Variants in GPRC5C observed in about 807,000 individuals in gnomAD.
GPRC5C encodes the protein G protein-coupled receptor class C group 5 member C, also known as G protein-coupled receptor family C group 5 member C.
In GPRC5C, 22 loss-of-function variants were observed where a neutral mutation model predicts 31.4. The ratio of observed to expected loss-of-function variants is 0.70; its 90% CI spans 0.50 to 1.00. The LOEUF is 1.00. GPRC5C is among the 50% of genes least tolerant of loss of function. GPRC5C has a pLI of 0.00. For synonymous variants in GPRC5C, 249 were observed against 257.5 expected, an observed-to-expected ratio of 0.97 and a Z score of 0.32; for missense variants, 557 against 597.2, an observed-to-expected ratio of 0.93 and a Z score of 0.70.
chr17:74,441,740 C>T (rs967233503), intron 2 of GPRC5C, among the ~76,000 whole-genome samples: 2 of 152,010 alleles, frequency 1.3e-5, no homozygotes, highest in African/African-American at 4.8e-5. Flanking sequence ...AGGAGGATTG[C>T]CTGAGCCCAG....
Position 74,433,758 on chromosome 17 carries a change from G to A in GPRC5C, c.-33+1617G>A, listed in dbSNP as rs367763057. 38 of 1,611,704 alleles carry A rather than the reference G, an allele frequency of 2.4e-5. No homozygotes were observed. Among genetic ancestry groups the A allele is most frequent in the Non-Finnish European group, 3.1e-5 (36 of 1,177,872 alleles). On this transcript the variant is annotated intron_variant, in intron 1 of 3. Transcript: ENST00000392627. Reference sequence around the variant, plus strand: ...CCTTGAAGACAGCCATTGGCCATGGGTCAGTGTTGAGTTTGGTTGGCCCTG... The same window carrying A: ...CCTTGAAGACAGCCATTGGCCATGGATCAGTGTTGAGTTTGGTTGGCCCTG...
chr17:74,432,692 G>C (rs541362236), intron 1 of GPRC5C, among the ~76,000 whole-genome samples: 5 of 152,156 alleles, frequency 3.3e-5, no homozygotes, highest in South Asian at 4.2e-4. Context: ...GGGGACTGGG[G>C]GGGTGGGGGA....
At chr17:74,439,661 G>A in intron 1 of GPRC5C, 84 bp from the exon 2 acceptor site, 3 of 1,306,912 alleles carry the variant, frequency 2.3e-6, no homozygotes, top group Non-Finnish European at 3.2e-6. Flanking sequence ...TATCTGCCTG[G>A]GTTTAGGTTG....
chr17:74,442,260 C>G (rs2055553227), intron 2 of GPRC5C, among the ~76,000 whole-genome samples: 2 of 152,226 alleles, frequency 1.3e-5, no homozygotes, highest in Admixed American at 1.3e-4. Flanking sequence ...GCCTCGGCAT[C>G]CCAAAGTGCT....
In GPRC5C at chr17:74,440,328, C is replaced by T. The variant is rs1035933953; in HGVS notation, c.552C>T (p.Gly184=). The change falls in exon 2 of 4, where the codon GGC becomes GGT. Residue 184 remains glycine (G), a synonymous_variant. Coordinates refer to ENST00000392627, the MANE Select transcript of GPRC5C (RefSeq NM_022036.4). The surrounding 1 kb of genome is among the most constrained non-coding windows in gnomAD (Gnocchi z 4.4). ...WLIITLVRGS[G]EGGPQGNSSA... ...TCATCACCCTGGTTCGGGGCAGTGG[C>T]GAGGGCGGCCCTCAGGGCAACAGCA... 19 of 1,614,076 alleles carry T rather than the reference C, an allele frequency of 1.2e-5. No individual in the cohort carries two copies. The East Asian group carries it at 1.8e-4, about 15-fold the overall frequency.
chr17:74,434,842 G>C lies in GPRC5C; in HGVS notation c.-33+2701G>C, dbSNP rs558776497. Among the ~76,000 whole-genome samples, 5 of 152,044 alleles carry C rather than the reference G, an allele frequency of 3.3e-5. No individual in the cohort carries two copies. In the South Asian group the frequency reaches 1.0e-3, roughly 32 times the overall value. On this transcript the variant is annotated intron_variant, in intron 1 of 3. Transcript: ENST00000392627. ...GGAGGCTGAGGCAGGAGAATTGCTT[G>C]AACCTGGGAGTTGGAGGTTGCAGTG...
intron 1 of GPRC5C, among the ~76,000 whole-genome samples, chr17:74,438,450 G>A (rs904782407): frequency 1.3e-5 from 2 of 151,632 alleles, no homozygotes; most frequent in Admixed American, 6.6e-5. Flanking sequence ...TAGTAGAGAC[G>A]GGGTTTCACC....
intron 1 of GPRC5C, among the ~76,000 whole-genome samples, chr17:74,433,479 G>A (rs8071255): frequency 0.1 from 15,630 of 152,146 alleles, 2,012 homozygotes; most frequent in African/African-American, 0.3. Flanking sequence ...CACTGAGGCC[G>A]CTCCTTCCAG....
At chr17:74,445,271 A>G in intron 3 of GPRC5C, 1 of 152,562 alleles carries the variant, frequency 6.6e-6, no homozygotes, top group Non-Finnish European at 1.5e-5. Context: ...AAATAAGAAA[A>G]AAAAAAAAAA....
downstream of GPRC5C, chr17:74,449,573 C>T (rs1477277371): frequency 1.4e-5 from 4 of 285,588 alleles, no homozygotes; most frequent in African/African-American, 4.5e-5. Context: ...CCTGCCCAGC[C>T]CATCTTCCTG....
chr17:74,445,675 G>A (rs2055615759), intron 3 of GPRC5C: 1 of 152,204 alleles, frequency 6.6e-6, no homozygotes, highest in African/African-American at 2.4e-5. Flanking sequence ...GCTAGTTTGG[G>A]GTCTGGGAGC....
intron 1 of GPRC5C, among the ~76,000 whole-genome samples, chr17:74,438,413 T>C (rs2055475286): frequency 6.6e-6 from 1 of 151,426 alleles, no homozygotes; most frequent in African/African-American, 2.4e-5. Context: ...GGCGTGCACC[T>C]CCACGCCCGG....
chr17:74,450,947 T>G (rs1005978670), downstream of GPRC5C: 2 of 152,284 alleles, frequency 1.3e-5, no homozygotes, highest in East Asian at 3.8e-4. Flanking sequence ...AGCTCTCTGG[T>G]GCTACCCCCG....
At chr17:74,449,238 C>T (rs1257123430), downstream of GPRC5C, 6 of 565,884 alleles carry the variant, frequency 1.1e-5, no homozygotes, top group Admixed American at 8.3e-5. Context: ...TTGCATTAGC[C>T]TCCTGGGGAC....
At chr17:74,448,786 C>A, downstream of GPRC5C, 1 of 866,392 alleles carries the variant, frequency 1.2e-6, no homozygotes, top group Non-Finnish European at 1.7e-6. Context: ...TGGGGTGAGA[C>A]AGGGCCTCAG....
chr17:74,444,483 TACTC>T (rs1230657438), intron 3 of GPRC5C, among the ~76,000 whole-genome samples: 1 of 152,148 alleles, frequency 6.6e-6, no homozygotes, highest in Non-Finnish European at 1.5e-5. Flanking sequence ...GGTTGGATTC[TACTC>T]ACTCCTATAT....
At chr17:74,451,219 A>C (rs920191927), downstream of GPRC5C, 1 of 152,038 alleles carries the variant, frequency 6.6e-6, no homozygotes, top group Admixed American at 6.6e-5. Context: ...CCTATGTGAT[A>C]ATTTCAAAGG....
At chr17:74,439,359 G>A (rs928937472) in intron 1 of GPRC5C, among the ~76,000 whole-genome samples, 1 of 152,214 alleles carries the variant, frequency 6.6e-6, no homozygotes, top group Non-Finnish European at 1.5e-5. Flanking sequence ...AAGTCCCAGG[G>A]CAGAGAGGAG....
intron 3 of GPRC5C, among the ~76,000 whole-genome samples, chr17:74,444,722 G>C (rs2055600605): frequency 6.6e-6 from 1 of 152,204 alleles, no homozygotes; most frequent in East Asian, 1.9e-4. Context: ...GCAGAGGAGA[G>C]CTTCCGGAGC....
Sources: gnomAD v4.1 joint callset for allele counts (sites outside exome capture counted in the v4.1 genomes callset) on GRCh38, gnomAD v4.1.1 for gene constraint, Gnocchi (gnomAD v3.1) non-coding constraint, MANE v1.5 for transcripts, NCBI Gene and HGNC (gene_info 2026-07-23, HGNC 2026-07-21) for gene names.